The following LCN1 variants were observed in gnomAD, a reference collection of about 807,000 sequenced individuals.
LCN1 encodes lipocalin 1, also known as lipocalin-1.
LCN1 carries 25 observed loss-of-function variants against 22.3 expected under a neutral mutation model. The ratio of observed to expected loss-of-function variants is 1.12; its 90% confidence interval spans 0.82 to 1.56. The LOEUF is 1.56. LCN1 is among the 40% of genes most tolerant of loss of function. The pLI is 0.00. For missense variants in LCN1, 219 were observed against 235.6 expected (o/e 0.93, Z 0.46); for synonymous variants, 85 against 97.6 (o/e 0.87, Z 0.76).
intron 6 of LCN1, 29 bp downstream of exon 6, chr9:135,525,187 A>G (rs1191398900): frequency 4.3e-6 from 7 of 1,609,220 alleles, no homozygotes; most frequent in Non-Finnish European, 5.9e-6. Flanking sequence ...AGGACATTTG[A>G]GAAAATCCAG....
rs61342195 is a variant in LCN1, at chr9:135,522,930, TGCCTGCAAACCA to T, written c.222-300_222-289del. ...AGGCTCAGGCCCACGCCACAGACGC[TGCCTGCAAACCA>T]GGCAGCCTGGGTGCCTCTGGCAGGA... On this transcript the variant is annotated intron_variant, in intron 2 of 6. Transcript: ENST00000371781. Among the ~76,000 whole-genome samples, 767 of 148,378 alleles carry T rather than the reference TGCCTGCAAACCA, an allele frequency of 5.2e-3. 10 individuals are homozygous for T. Among genetic ancestry groups the T allele is most frequent in the African/African-American group, 0.018 (723 of 40,212 alleles).
chr9:135,523,835 A>T, intron 3 of LCN1, 45 bp from the exon 4 acceptor site: 1 of 1,534,348 alleles, frequency 6.5e-7, no homozygotes, highest in South Asian at 1.1e-5. Flanking sequence ...TCCTCTCTGA[A>T]GTCCCTGGTG....
intron 1 of LCN1, 143 bp from the exon 2 acceptor site, chr9:135,521,904 G>A: frequency 3.0e-6 from 4 of 1,350,082 alleles, no homozygotes; most frequent in Non-Finnish European, 4.0e-6. Flanking sequence ...CGAGGGTGCT[G>A]GGTGTTTTCT....
chr9:135,525,950 G>A (rs1229852065), intron 6 of LCN1, among the ~76,000 whole-genome samples: 1 of 82,566 alleles, frequency 1.2e-5, no homozygotes, highest in South Asian at 4.4e-4. Context: ...CGCAACCATC[G>A]CCCCCGAGAG....
chr9:135,522,953 G>A (rs1191844915), intron 2 of LCN1, among the ~76,000 whole-genome samples: 5 of 152,120 alleles, frequency 3.3e-5, no homozygotes, highest in Non-Finnish European at 5.9e-5. Flanking sequence ...GGCAGCCTGG[G>A]TGCCTCTGGC....
intron 3 of LCN1, 63 bp downstream of exon 3, chr9:135,523,365 C>T: frequency 6.7e-7 from 1 of 1,497,046 alleles, no homozygotes; most frequent in Admixed American, 2.1e-5. Flanking sequence ...CGGGGGCAGC[C>T]AGTGCCTTTT....
chr9:135,524,483 C>T (rs1467346739), intron 4 of LCN1, among the ~76,000 whole-genome samples: 45 of 152,334 alleles, frequency 3.0e-4, no homozygotes, highest in Non-Finnish European at 8.8e-5. Flanking sequence ...TGAGTTCTCC[C>T]TGGAGCCAGG....
Position 135,525,135 on chromosome 9 carries a change from C to CCTGCT in LCN1, c.512_516dup (p.Pro173AlafsTer65). 1 of 1,613,696 alleles carries CCTGCT rather than the reference C, an allele frequency of 6.2e-7. No homozygotes were observed. Among genetic ancestry groups the CCTGCT allele is most frequent in the Non-Finnish European group, 8.5e-7 (1 of 1,179,762 alleles). ...CCTGTGCTTCCTTTTCCTGCAGAAA[C>CCTGCT]CTGCTCTCCAGGGAGCGATTAGGGT... On this transcript the variant is annotated frameshift_variant, in exon 6 of 7. Coordinates refer to ENST00000371781, the MANE Select transcript of LCN1 (RefSeq NM_002297.4). LOFTEE classifies it high-confidence loss of function.
At chr9:135,521,894 C>T (rs1457119939) in intron 1 of LCN1, among the ~76,000 whole-genome samples, 153 bp from the exon 2 acceptor site, 2 of 151,452 alleles carry the variant, frequency 1.3e-5, no homozygotes, top group Non-Finnish European at 1.5e-5. Flanking sequence ...GTGGGCCTGG[C>T]GAGGGTGCTG....
Position 135,524,942 on chromosome 9 carries a change from T to C in LCN1, c.505+11T>C. 1.2e-6 allele frequency: 2 copies of C among 1,603,294 alleles called. No individual in the cohort carries two copies. Among genetic ancestry groups the C allele is most frequent in the Non-Finnish European group, 1.7e-6 (2 of 1,174,994 alleles). On this transcript the variant is annotated intron_variant, in intron 5 of 6. Coordinates refer to ENST00000371781, the MANE Select transcript of LCN1 (RefSeq NM_002297.4). The stretch of plus-strand genomic sequence containing the variant: ...TCCCCAGGCAGAGCGGTAGGAGGCA[T>C]GGCCCTGCAGAGCCCCCCATGTCCC...
Position 135,523,949 on chromosome 9 carries a change from G to C in LCN1, c.362G>C (p.Gly121Ala), listed in dbSNP as rs1195192498. Reference protein sequence around the residue: ...VKDHYIFYCEGELHGKPVRGV... With the variant: ...VKDHYIFYCEAELHGKPVRGV... ...GACCACTACATCTTTTACTGTGAGG[G>C]CGAGCTGCACGGGAAGCCGGTCCGA... is the stretch of plus-strand genomic sequence containing the variant. Residue 121 changes from glycine (G) to alanine (A), a missense_variant, in exon 4 of 7, where the codon GGC becomes GCC. By Grantham distance (60) the Gly-to-Ala change is moderately conservative. Transcript: ENST00000371781. The C allele has an allele frequency of 6.2e-7, 1 of 1,613,978 alleles. No individual in the cohort carries two copies. The highest frequency in any genetic ancestry group is 1.3e-5 in the African/African-American group (1 of 74,904).
At chr9:135,524,056 T>C (rs1178617189) in intron 4 of LCN1, 66 bp downstream of exon 4, 7 of 1,207,036 alleles carry the variant, frequency 5.8e-6, no homozygotes, top group Middle Eastern at 1.9e-4. Context: ...CTCGGCCTCC[T>C]GCACCCTCTT....
rs552229718 is a variant in LCN1, at chr9:135,522,078, C to T, written c.122C>T (p.Thr41Met). Residue 41 changes from threonine (T) to methionine (M), a missense_variant, in exon 2 of 7, where the codon ACG becomes ATG. By Grantham distance (81) the Thr-to-Met change is moderately conservative. Transcript: ENST00000371781. ...VSGTWYLKAM[T>M]VDREFPEMNL... is the part of the protein sequence containing the mutation. Reference sequence around the variant, plus strand: ...GGGACGTGGTATCTGAAGGCCATGACGGTGGACAGGGAGTTCCCTGAGATG... The same window carrying T: ...GGGACGTGGTATCTGAAGGCCATGATGGTGGACAGGGAGTTCCCTGAGATG... 2.6e-5 allele frequency: 42 copies of T among 1,593,200 alleles called. No individual in the cohort carries two copies. The highest frequency in any genetic ancestry group is 1.7e-4 in the Middle Eastern group (1 of 5,764).
Position 135,521,958 on chromosome 9 carries a change from G to T in LCN1, c.91-89G>T, listed in dbSNP as rs987608018. ...AACGTTCCCCGTTTCCAGCCCTCGG[G>T]GTGCGGTAGAGTCTAGGGGCTGCAG... On this transcript the variant is annotated intron_variant, in intron 1 of 6. Coordinates refer to ENST00000371781, the MANE Select transcript of LCN1 (RefSeq NM_002297.4). 4.6e-6 allele frequency: 7 copies of T among 1,529,712 alleles called. No individual in the cohort carries two copies. In the Admixed American group the frequency reaches 1.2e-4, roughly 26 times the overall value. The allele number at this position is 1,529,712 out of a possible 1,614,324, so 94.8% of individuals were successfully genotyped here. A position where few individuals can be genotyped will look rare whatever the true frequency, so the allele number is the denominator to read the frequency against.
At chr9:135,526,286 T>C in intron 6 of LCN1, 58 bp from the exon 7 acceptor site, 3 of 312,044 alleles carry the variant, frequency 9.6e-6, no homozygotes, top group Admixed American at 8.5e-5. Context: ...CGCCCCCACA[T>C]TGCATCCCCC....
intron 5 of LCN1, 29 bp from the exon 6 acceptor site, chr9:135,525,103 C>T (rs753587334): frequency 1.9e-6 from 3 of 1,612,118 alleles, no homozygotes; most frequent in South Asian, 1.1e-5. Flanking sequence ...CCTGGGGTCT[C>T]CTAACGCCTG....
Position 135,521,503 on chromosome 9 carries a change from G to T in LCN1, c.6G>T (p.Lys2Asn). Residue 2 changes from lysine to asparagine, a missense_variant, in exon 1 of 7, where the codon AAG (lysine) becomes AAT (asparagine). Lys to Asn is a moderately conservative substitution (Grantham distance 94, BLOSUM62 0). Coordinates refer to ENST00000371781, the MANE Select transcript of LCN1 (RefSeq NM_002297.4). Reference sequence around the variant, plus strand: ...CGTGGACTCAGACTCCGGAGATGAAGCCCCTGCTCCTGGCCGTCAGCCTTG... The same window carrying T: ...CGTGGACTCAGACTCCGGAGATGAATCCCCTGCTCCTGGCCGTCAGCCTTG... Reference protein sequence around the residue: MKPLLLAVSLGL... With the variant: MNPLLLAVSLGL... The T allele has an allele frequency of 6.2e-7, 1 of 1,612,190 alleles. No individual in the cohort carries two copies. The highest frequency in any genetic ancestry group is 1.7e-5 in the Admixed American group (1 of 60,008).
At chr9:135,521,749 C>T (rs1831500631) in intron 1 of LCN1, among the ~76,000 whole-genome samples, 162 bp downstream of exon 1, 1 of 142,848 alleles carries the variant, frequency 7.0e-6, no homozygotes, top group East Asian at 2.4e-4. Context: ...GGGGTCTGGG[C>T]TGGCAGGGTA....
chr9:135,522,713 C>T (rs2118947661), intron 2 of LCN1, among the ~76,000 whole-genome samples: 1 of 152,372 alleles, frequency 6.6e-6, no homozygotes, highest in South Asian at 2.1e-4. Flanking sequence ...TGGCTCCCTC[C>T]TGAGTGGCAT....
Sources: allele counts gnomAD v4.1 joint callset (sites outside exome capture counted in the v4.1 genomes callset), GRCh38; gene constraint gnomAD v4.1.1; transcripts MANE v1.5; gene names NCBI Gene and HGNC (gene_info 2026-07-23, HGNC 2026-07-21).